Variants in TBC1D2 observed in about 807,000 individuals in gnomAD.
TBC1D2 encodes TBC1 domain family member 2A.
TBC1D2 carries 58 observed loss-of-function variants against 91.1 expected under a neutral mutation model. That is an observed-to-expected ratio of 0.64 (90% CI 0.52 to 0.79). TBC1D2 has a LOEUF of 0.79. Among genes scored for constraint, TBC1D2 ranks in the 30% least tolerant of loss-of-function variants. The pLI, the probability that TBC1D2 is intolerant of heterozygous loss-of-function variation, is 0.00. For synonymous variants in TBC1D2, 482 were observed against 511.5 expected, an observed-to-expected ratio of 0.94 and a Z score of 0.78; for missense variants, 1,080 against 1,208.3, an observed-to-expected ratio of 0.89 and a Z score of 1.57.
At chr9:98,215,269 C>T (rs1828943077) in intron 6 of TBC1D2, among the ~76,000 whole-genome samples, 1 of 152,224 alleles carries the variant, frequency 6.6e-6, no homozygotes, top group Non-Finnish European at 1.5e-5. Flanking sequence ...TCTCTGGAGT[C>T]TAACACTTTA....
rs761278285 is a variant in TBC1D2, at chr9:98,244,170, G to A, written c.512-41C>T. 4 of 1,607,944 alleles carry A rather than the reference G, an allele frequency of 2.5e-6. No individual in the cohort carries two copies. In the East Asian group the frequency reaches 8.9e-5, roughly 36 times the overall value. ...AGGGAAATCCATCAGCTGGGTCACT[G>A]CACTTGGAAAGACAGGTCAGGTGGG... On this transcript the variant is annotated intron_variant, in intron 2 of 12. Transcript: ENST00000465784.
chr9:98,233,208 A>C (rs989799403), intron 4 of TBC1D2, among the ~76,000 whole-genome samples: 2 of 152,246 alleles, frequency 1.3e-5, no homozygotes, highest in Non-Finnish European at 2.9e-5. Context: ...CGGCACCTTG[A>C]TCTTGGACCT....
At position 98,255,279 on chromosome 9, in the gene TBC1D2, T is replaced by C; in HGVS notation, c.263A>G (p.Asn88Ser). The change falls in exon 1 of 13, where the codon AAT (asparagine) becomes AGT (serine). Residue 88 changes from asparagine to serine, a missense_variant. Transcript: ENST00000465784. Reference protein sequence around the residue: ...LYYSRTAQDANPLDSIDLSSA... With the variant: ...LYYSRTAQDASPLDSIDLSSA... ...GGAGAGGTCGATGCTGTCCAAGGGA[T>C]TGGCATCCTGAGCGGTCCGCGAGTA... is the stretch of plus-strand genomic sequence containing the variant. The C allele has an allele frequency of 6.2e-7, 1 of 1,614,226 alleles. No individual in the cohort carries two copies.
At position 98,244,113 on chromosome 9, in the gene TBC1D2, C is replaced by A; in HGVS notation, c.528G>T (p.Glu176Asp). 6.2e-7 allele frequency: 1 copy of A among 1,613,306 alleles called. No homozygotes were observed. The highest frequency in any genetic ancestry group is 8.5e-7 in the Non-Finnish European group (1 of 1,179,714). ...TCACAGGGCACAGGAACTCCTCCAG[C>A]TCTGCCTCTTCTTGCCCTGGGAACA... is the stretch of plus-strand genomic sequence containing the variant. The part of the protein sequence containing the change: ...LHLELGQEEA[E>D]LEEFLCPVKT... The change falls in exon 3 of 13, where the codon GAG (glutamate) becomes GAT (aspartate). Residue 176 changes from glutamate (E) to aspartate (D), a missense_variant. By Grantham distance (45) the Glu-to-Asp change is conservative (BLOSUM62 2). Transcript: ENST00000465784.
intron 5 of TBC1D2, among the ~76,000 whole-genome samples, chr9:98,225,007 T>C (rs2119104143): frequency 6.6e-6 from 1 of 152,336 alleles, no homozygotes. Context: ...CCCTCTTTCA[T>C]GTCCTCTGAA....
chr9:98,213,442 C>T (rs1828899599), intron 6 of TBC1D2: 1 of 1,343,134 alleles, frequency 7.4e-7, no homozygotes, highest in South Asian at 1.6e-5. Context: ...GAATTTAAGT[C>T]CTGGCTGATG....
Position 98,199,563 on chromosome 9 carries a change from C to A in TBC1D2, c.2605G>T (p.Asp869Tyr). 1 of 1,614,070 alleles carries A rather than the reference C, an allele frequency of 6.2e-7. No individual in the cohort carries two copies. The highest frequency in any genetic ancestry group is 1.1e-5 in the South Asian group (1 of 91,078). The change falls in exon 13 of 13, where the codon GAC (aspartate) becomes TAC (tyrosine). Residue 869 changes from aspartate (D) to tyrosine (Y), a missense_variant. By Grantham distance (160) the Asp-to-Tyr change is radical. Coordinates refer to ENST00000465784, the MANE Select transcript of TBC1D2 (RefSeq NM_001267571.2). ...TGTTTCATGCGGAAGGGGTTCATGTCATTGAAGGCGATGTTCATCAGCTTC... is the reference window on the plus strand; with the variant it reads ...TGTTTCATGCGGAAGGGGTTCATGTAATTGAAGGCGATGTTCATCAGCTTC... ...SRKLMNIAFN[D>Y]MNPFRMKQLR...
intron 2 of TBC1D2, among the ~76,000 whole-genome samples, chr9:98,250,053 T>C (rs987363514): frequency 6.6e-5 from 10 of 152,070 alleles, no homozygotes; most frequent in Non-Finnish European, 1.0e-4. Context: ...CAGGTCTCCC[T>C]TGAAGTGTTT....
intron 8 of TBC1D2, among the ~76,000 whole-genome samples, chr9:98,209,860 A>G (rs1313147172): frequency 7.4e-6 from 1 of 136,046 alleles, no homozygotes; most frequent in Non-Finnish European, 1.5e-5. Flanking sequence ...TCAGGGCCTC[A>G]CTCTGTTGCC....
At chr9:98,207,162 C>T (rs952386477) in intron 9 of TBC1D2, among the ~76,000 whole-genome samples, 2 of 152,144 alleles carry the variant, frequency 1.3e-5, no homozygotes, top group Non-Finnish European at 2.9e-5. Flanking sequence ...AGGAATTGTA[C>T]ATACACATGC....
intron 3 of TBC1D2, chr9:98,235,106 A>C (rs1829470416): frequency 4.5e-6 from 1 of 224,648 alleles, no homozygotes; most frequent in African/African-American, 2.3e-5. Context: ...CGGGAGGCTG[A>C]GGCAGAGAAT....
chr9:98,239,060 T>C (rs1020833641), intron 3 of TBC1D2, among the ~76,000 whole-genome samples: 3 of 151,990 alleles, frequency 2.0e-5, no homozygotes, highest in Non-Finnish European at 4.4e-5. Context: ...TATTTATTTA[T>C]TTATTACTAT....
In TBC1D2 at chr9:98,201,548, G is replaced by C. The variant is rs775450223; in HGVS notation, c.2388C>G (p.Val796=). Reference sequence around the variant, plus strand: ...TGTTGCTAATGAGACTGTCCGCAAAGACCACGAGGAACCAGTTGAAGGTGA... The same window carrying C: ...TGTTGCTAATGAGACTGTCCGCAAACACCACGAGGAACCAGTTGAAGGTGA... ...SLVTFNWFLV[V]FADSLISNIL... is the part of the protein sequence containing the mutation. Residue 796 remains valine (V), a synonymous_variant, in exon 11 of 13, where the codon GTC becomes GTG. Coordinates refer to ENST00000465784, the MANE Select transcript of TBC1D2 (RefSeq NM_001267571.2). The C allele has an allele frequency of 6.2e-7, 1 of 1,614,172 alleles. No homozygotes were observed. The highest frequency in any genetic ancestry group is 1.1e-5 in the South Asian group (1 of 91,084).
At chr9:98,245,664 G>A (rs1221062128) in intron 2 of TBC1D2, among the ~76,000 whole-genome samples, 3 of 152,174 alleles carry the variant, frequency 2.0e-5, no homozygotes, top group African/African-American at 7.2e-5. Context: ...TTTGAGCTGC[G>A]TGATGGGATT....
chr9:98,224,799 G>A (rs1037471606), intron 5 of TBC1D2, among the ~76,000 whole-genome samples: 3 of 152,092 alleles, frequency 2.0e-5, no homozygotes, highest in African/African-American at 7.2e-5. Context: ...CACAGGCCTC[G>A]GTTCCCATTC....
chr9:98,231,256 C>A (rs1383787137), intron 4 of TBC1D2, among the ~76,000 whole-genome samples: 3 of 145,358 alleles, frequency 2.1e-5, no homozygotes, highest in Non-Finnish European at 4.5e-5. Flanking sequence ...GGAGTCCAGA[C>A]TCCAACTCCA....
chr9:98,199,829 TGGA>T (rs1157987836), intron 12 of TBC1D2, among the ~76,000 whole-genome samples: 1 of 152,132 alleles, frequency 6.6e-6, no homozygotes, highest in Non-Finnish European at 1.5e-5. Context: ...GAAGGCTTCT[TGGA>T]GGAGGTGACC....
intron 2 of TBC1D2, among the ~76,000 whole-genome samples, chr9:98,248,770 T>C (rs911493599): frequency 2.6e-5 from 4 of 152,176 alleles, no homozygotes; most frequent in African/African-American, 9.7e-5. Context: ...ACAGTACACA[T>C]TTATACAGGT....
chr9:98,199,445 G>T lies in TBC1D2; in HGVS notation c.2723C>A (p.Ala908Glu). The change falls in exon 13 of 13, where the codon GCA becomes GAA. Residue 908 changes from alanine to glutamate, a missense_variant. Transcript: ENST00000465784. ...QLKAEYLERR[A>E]SRRRAVSEGC... ...CTCGGACACAGCTCTGCGCCGGGAT[G>T]CCCGCCTCTCCAGGTACTCTGCCTT... The T allele has an allele frequency of 6.2e-7, 1 of 1,614,006 alleles. No individual in the cohort carries two copies. Among genetic ancestry groups the T allele is most frequent in the South Asian group, 1.1e-5 (1 of 91,080 alleles).
Sources: allele counts gnomAD v4.1 joint callset (sites outside exome capture counted in the v4.1 genomes callset), GRCh38; gene constraint gnomAD v4.1.1; transcripts MANE v1.5; gene names NCBI Gene and HGNC (gene_info 2026-07-23, HGNC 2026-07-21).